Variants in UPF2 observed in about 807,000 individuals in gnomAD.
UPF2 encodes UPF2 regulator of nonsense mediated mRNA decay.
UPF2 carries 17 observed loss-of-function variants against 141.4 expected under a neutral mutation model. That is an observed-to-expected ratio of 0.12 (90% CI 0.08 to 0.18). UPF2 has a LOEUF of 0.18. Ranked by LOEUF, UPF2 falls within the 10% of genes least tolerant of loss-of-function variation. The pLI is 1.00. For synonymous variants in UPF2, 540 were observed against 498.0 expected (o/e 1.08, Z -1.12); for missense variants, 1,152 against 1,515.9 (o/e 0.76, Z 3.99).
intron 17 of UPF2, 60 bp from the exon 18 acceptor site, chr10:11,942,823 C>A: frequency 6.6e-7 from 1 of 1,506,078 alleles, no homozygotes. Flanking sequence ...TTTTCTAGGG[C>A]AAAGCCTTTT....
At chr10:11,999,827 A>G (rs1348654672) in intron 7 of UPF2, 79 bp downstream of exon 7, 2 of 1,205,728 alleles carry the variant, frequency 1.7e-6, no homozygotes, top group South Asian at 1.2e-5. Context: ...CAAACAGTCT[A>G]AAAACCATAG....
At chr10:11,943,253 T>C in intron 16 of UPF2, 85 bp from the exon 17 acceptor site, 1 of 1,149,748 alleles carries the variant, frequency 8.7e-7, no homozygotes, top group Non-Finnish European at 1.2e-6. Flanking sequence ...TCAAAACTTC[T>C]GTATAATTGT....
At chr10:12,013,095 A>C (rs1408769472) in intron 4 of UPF2, among the ~76,000 whole-genome samples, 2 of 150,148 alleles carry the variant, frequency 1.3e-5, no homozygotes, top group African/African-American at 4.9e-5. Context: ...ACTGCACTCC[A>C]GCCTGAGCGA....
At chr10:11,965,899 T>C (rs1833311884) in intron 10 of UPF2, among the ~76,000 whole-genome samples, 1 of 152,114 alleles carries the variant, frequency 6.6e-6, no homozygotes, top group South Asian at 2.1e-4. Context: ...CTCAAGGAAA[T>C]CAAGTTGATG....
chr10:11,938,761 T>C (rs1832885332), intron 18 of UPF2, among the ~76,000 whole-genome samples: 1 of 151,182 alleles, frequency 6.6e-6, no homozygotes, highest in South Asian at 2.1e-4. Context: ...AAGTTTCTTA[T>C]AGCATCCTGT....
intron 8 of UPF2, among the ~76,000 whole-genome samples, chr10:11,984,316 TTA>T (rs368409435): frequency 2.9e-3 from 439 of 152,354 alleles, no homozygotes; most frequent in African/African-American, 9.4e-3. Context: ...TTTCAAAAAA[TTA>T]TGTTTCACTG....
At chr10:12,008,784 T>C (rs923897004) in intron 4 of UPF2, among the ~76,000 whole-genome samples, 1 of 152,008 alleles carries the variant, frequency 6.6e-6, no homozygotes, top group African/African-American at 2.4e-5. Flanking sequence ...TACCAACCCG[T>C]CACCTAGGTT....
intron 2 of UPF2, among the ~76,000 whole-genome samples, chr10:12,030,408 C>T (rs976230578): frequency 5.3e-5 from 8 of 151,908 alleles, no homozygotes; most frequent in African/African-American, 1.9e-4. Flanking sequence ...GTGGTGGGCA[C>T]CTGTAATCTC....
At chr10:11,976,876 T>A (rs946774663) in intron 9 of UPF2, among the ~76,000 whole-genome samples, 1 of 152,234 alleles carries the variant, frequency 6.6e-6, no homozygotes, top group Non-Finnish European at 1.5e-5. Context: ...CATTATTTCA[T>A]TTAATCCTTA....
intron 15 of UPF2, among the ~76,000 whole-genome samples, chr10:11,949,983 A>G (rs1441948891): frequency 6.6e-6 from 1 of 152,164 alleles, no homozygotes; most frequent in African/African-American, 2.4e-5. Context: ...TAAAGCTTTA[A>G]GAGAATATGT....
intron 3 of UPF2, among the ~76,000 whole-genome samples, chr10:12,020,385 G>C (rs1834297038): frequency 6.6e-6 from 1 of 152,026 alleles, no homozygotes; most frequent in Non-Finnish European, 1.5e-5. Context: ...CTGAGTAGCT[G>C]GGATTACAGG....
chr10:11,954,643 A>AAAATAT (rs1439199969), intron 14 of UPF2, among the ~76,000 whole-genome samples: 1,441 of 128,300 alleles, frequency 0.011, 43 homozygotes, highest in East Asian at 0.087. Flanking sequence ...CAAAAAAAAA[A>AAAATAT]ATATATATAT....
In UPF2 at chr10:11,921,182, G is replaced by A. The variant is rs1337830825; in HGVS notation, c.*116C>T. On this transcript the variant is annotated 3_prime_UTR_variant, in exon 22 of 22. Transcript: ENST00000357604. The surrounding 1 kb of genome is among the most constrained non-coding windows in gnomAD (Gnocchi z 5.9). Reference sequence around the variant, plus strand: ...CCCAGCCTGTCCCAGGTTTAGATTCGCAACTCTCTAGACCGACCTGCTGAG... The same window carrying A: ...CCCAGCCTGTCCCAGGTTTAGATTCACAACTCTCTAGACCGACCTGCTGAG... 31 of 1,440,448 alleles carry A rather than the reference G, an allele frequency of 2.2e-5. 1 individual carries two copies. Among genetic ancestry groups the A allele is most frequent in the East Asian group, 1.6e-4 (7 of 44,050 alleles). The allele number at this position is 1,440,448 out of a possible 1,614,324, so 89.2% of individuals were successfully genotyped here. A position where few individuals can be genotyped will look rare whatever the true frequency, so the allele number is the denominator to read the frequency against.
At chr10:11,942,928 G>T in intron 17 of UPF2, 136 bp downstream of exon 17, 2 of 928,824 alleles carry the variant, frequency 2.2e-6, no homozygotes, top group Non-Finnish European at 1.6e-6. Context: ...AAATGGTTAG[G>T]AAAACAAATT....
At chr10:11,965,516 G>C (rs1294656527) in intron 10 of UPF2, among the ~76,000 whole-genome samples, 3 of 152,104 alleles carry the variant, frequency 2.0e-5, no homozygotes, top group African/African-American at 7.2e-5. Context: ...CTGGAGTGCA[G>C]TGGCGCAATC....
intron 3 of UPF2, among the ~76,000 whole-genome samples, chr10:12,018,751 C>CA (rs1292140018): frequency 1.1e-4 from 17 of 151,670 alleles, no homozygotes; most frequent in Admixed American, 5.9e-4. Flanking sequence ...GACCCTGCCT[C>CA]AAAAAATAAA....
At position 12,032,987 on chromosome 10, in the gene UPF2, C is replaced by T. The variant is rs577034992; in HGVS notation, c.365+2072G>A. Among the ~76,000 whole-genome samples, 25 of 152,182 alleles carry T rather than the reference C, an allele frequency of 1.6e-4. No individual in the cohort carries two copies. The South Asian group carries it at 4.8e-3, about 29-fold the overall frequency. ...CACTGCACTCCAGCCTGGGTAACAA[C>T]AGCAATGCCACCATCACCCCCCCAA... On this transcript the variant is annotated intron_variant, in intron 2 of 21. Transcript: ENST00000357604.
intron 14 of UPF2, among the ~76,000 whole-genome samples, chr10:11,954,611 A>G (rs1319365738): frequency 5.1e-5 from 7 of 136,328 alleles, no homozygotes; most frequent in Non-Finnish European, 7.8e-5. Context: ...TCCAGCCTGG[A>G]TGACACAGCA....
chr10:11,968,568 C>T (rs934115315), intron 9 of UPF2, among the ~76,000 whole-genome samples: 2 of 151,922 alleles, frequency 1.3e-5, no homozygotes, highest in Admixed American at 1.3e-4. Context: ...ATTATAAATA[C>T]ATTACAAGGA....
Sources: gnomAD v4.1 joint callset for allele counts (sites outside exome capture counted in the v4.1 genomes callset) on GRCh38, gnomAD v4.1.1 for gene constraint, Gnocchi (gnomAD v3.1) non-coding constraint, MANE v1.5 for transcripts, NCBI Gene and HGNC (gene_info 2026-07-23, HGNC 2026-07-21) for gene names.